ADAM12: variants seen among roughly 807,000 people sequenced by gnomAD.
ADAM12 encodes the protein ADAM metallopeptidase domain 12, also known as disintegrin and metalloproteinase domain-containing protein 12.
Under a neutral mutation model 106.4 loss-of-function variants are expected in ADAM12, and 70 were observed. The observed-to-expected ratio is 0.66, with a 90% CI of 0.54 to 0.80. ADAM12 has a LOEUF of 0.80. ADAM12 is among the 30% of genes least tolerant of loss of function. The pLI, the probability that ADAM12 is intolerant of heterozygous loss-of-function variation, is 0.00. For synonymous variants in ADAM12, 420 were observed against 433.5 expected (o/e 0.97, Z 0.39); for missense variants, 1,010 against 1,171.9 (o/e 0.86, Z 2.02).
At chr10:126,179,439 A>G (rs1028453320) in intron 3 of ADAM12, among the ~76,000 whole-genome samples, 1 of 152,260 alleles carries the variant, frequency 6.6e-6, no homozygotes, top group African/African-American at 2.4e-5. Context: ...TCTTCCACCA[A>G]GAGTGGTAAT....
At chr10:126,174,173 G>A (rs576976099) in intron 3 of ADAM12, among the ~76,000 whole-genome samples, 4 of 151,146 alleles carry the variant, frequency 2.6e-5, no homozygotes, top group Non-Finnish European at 5.9e-5. Context: ...TGCTTTATAC[G>A]TTGTTCCCCT....
At chr10:126,181,055 G>C (rs1957303281) in intron 3 of ADAM12, among the ~76,000 whole-genome samples, 3 of 151,104 alleles carry the variant, frequency 2.0e-5, no homozygotes, top group Non-Finnish European at 4.4e-5. Flanking sequence ...TATAAAAGCA[G>C]CTTGTGCTAC....
intron 1 of ADAM12, among the ~76,000 whole-genome samples, chr10:126,353,701 C>T (rs574365933): frequency 6.6e-6 from 1 of 152,228 alleles, no homozygotes; most frequent in East Asian, 1.9e-4. Context: ...TGTGAATAGA[C>T]AAAGCTAATG....
chr10:126,236,744 A>C (rs1958425330), intron 3 of ADAM12, among the ~76,000 whole-genome samples: 2 of 151,924 alleles, frequency 1.3e-5, no homozygotes, highest in Non-Finnish European at 2.9e-5. Flanking sequence ...AGGAAGGAGC[A>C]CCTACAGGAA....
In ADAM12 at chr10:126,278,926, C is replaced by T. The variant is rs1565186987; in HGVS notation, c.249G>A (p.Leu83=). 1 of 1,610,080 alleles carries T rather than the reference C, an allele frequency of 6.2e-7. No homozygotes were observed. The change falls in exon 3 of 23, where the codon CTG becomes CTA. Residue 83 remains leucine (L), a synonymous_variant. Coordinates refer to ENST00000448723, the MANE Select transcript of ADAM12 (RefSeq NM_001288973.2). ...AAGAATTAACTTACTCATTTCTTTC[C>T]AGATTTATGATCAGTTCTTTGCTTT... The part of the protein sequence containing the change: ...QRESKELIIN[L]ERNEGLIASS...
At chr10:126,046,752 G>A (rs7905704) in intron 16 of ADAM12, among the ~76,000 whole-genome samples, 8,098 of 139,424 alleles carry the variant, frequency 0.058, 755 homozygotes, top group African/African-American at 0.2. Flanking sequence ...GCAGTGAGCC[G>A]AGATCATGCT....
intron 1 of ADAM12, among the ~76,000 whole-genome samples, chr10:126,372,853 G>C (rs1009899523): frequency 6.6e-6 from 1 of 152,180 alleles, no homozygotes; most frequent in Non-Finnish European, 1.5e-5. Context: ...TTTTAAAGGA[G>C]AGCAGAGACA....
chr10:126,325,734 G>A (rs925925965), intron 2 of ADAM12, among the ~76,000 whole-genome samples: 12 of 152,084 alleles, frequency 7.9e-5, no homozygotes, highest in East Asian at 3.9e-4. Flanking sequence ...CTGGTTCCGC[G>A]GTTAATTTTT....
At chr10:126,265,065 G>A (rs2133719279) in intron 3 of ADAM12, among the ~76,000 whole-genome samples, 1 of 152,264 alleles carries the variant, frequency 6.6e-6, no homozygotes, top group Admixed American at 6.5e-5. Flanking sequence ...TGTTTACAGA[G>A]TATAAGAAGC....
chr10:126,042,111 G>T lies in ADAM12; in HGVS notation c.2104+929C>A, dbSNP rs377083568. 254 of 1,612,120 alleles carry T rather than the reference G, an allele frequency of 1.6e-4. 1 individual carries two copies. In the African/African-American group the frequency reaches 2.6e-3, roughly 17 times the overall value. Reference sequence around the variant, plus strand: ...CTCCTCTGCAGCAGCACTGGTCACGGTCTCCATGTCATGGGAGGGCTCAGA... The same window carrying T: ...CTCCTCTGCAGCAGCACTGGTCACGTTCTCCATGTCATGGGAGGGCTCAGA... On this transcript the variant is annotated intron_variant, in intron 18 of 22. Transcript: ENST00000448723.
At chr10:126,228,483 A>T (rs553495106) in intron 3 of ADAM12, among the ~76,000 whole-genome samples, 1 of 152,330 alleles carries the variant, frequency 6.6e-6, no homozygotes, top group East Asian at 1.9e-4. Context: ...AACCCTAAGA[A>T]GGTTTAGTTG....
chr10:126,057,952 T>C (rs1468547777), intron 14 of ADAM12, among the ~76,000 whole-genome samples: 4 of 152,174 alleles, frequency 2.6e-5, no homozygotes, highest in South Asian at 2.1e-4. Flanking sequence ...GGTATGCACA[T>C]AAGATTGAAT....
intron 5 of ADAM12, among the ~76,000 whole-genome samples, chr10:126,121,028 AT>A (rs1956081305): frequency 1.1e-5 from 1 of 88,440 alleles, no homozygotes; most frequent in Non-Finnish European, 1.9e-5. Flanking sequence ...TATATTATAT[AT>A]TATATATGCA....
At chr10:126,301,112 G>A (rs1346071647) in intron 2 of ADAM12, among the ~76,000 whole-genome samples, 2 of 152,176 alleles carry the variant, frequency 1.3e-5, no homozygotes, top group Admixed American at 6.5e-5. Flanking sequence ...GTCCAGGGGT[G>A]CCGCTAAACA....
chr10:126,360,743 G>C (rs1855714337), intron 1 of ADAM12, among the ~76,000 whole-genome samples: 1 of 152,138 alleles, frequency 6.6e-6, no homozygotes, highest in African/African-American at 2.4e-5. Flanking sequence ...ACCTTTGCCT[G>C]TTGCCCAGTT....
At chr10:126,179,401 T>C (rs1204464565) in intron 3 of ADAM12, among the ~76,000 whole-genome samples, 1 of 152,216 alleles carries the variant, frequency 6.6e-6, no homozygotes, top group African/African-American at 2.4e-5. Flanking sequence ...AATGAGCTGG[T>C]CTGATTGGTC....
rs778187164 is a variant in ADAM12, at chr10:126,065,009, G to T, written c.1414-8C>A. The T allele has an allele frequency of 8.1e-6, 13 of 1,605,548 alleles. No homozygotes were observed. In the East Asian group the frequency reaches 2.9e-4, roughly 36 times the overall value. ...TGTTCCTGCAGGCTTCAGCTGGAAGGAGAGGGCCATTTATGACACATGCAC... is the reference window on the plus strand; with the variant it reads ...TGTTCCTGCAGGCTTCAGCTGGAAGTAGAGGGCCATTTATGACACATGCAC... On this transcript the variant is annotated splice_region_variant and splice_polypyrimidine_tract_variant and intron_variant, in intron 13 of 22. Transcript: ENST00000448723.
intron 5 of ADAM12, among the ~76,000 whole-genome samples, chr10:126,123,345 T>C (rs1264348587): frequency 2.0e-5 from 3 of 152,234 alleles, no homozygotes; most frequent in Non-Finnish European, 4.4e-5. Flanking sequence ...TCTCAGAGCA[T>C]GGAATTTAAA....
chr10:126,217,836 G>A (rs1323436617), intron 3 of ADAM12, among the ~76,000 whole-genome samples: 2 of 151,692 alleles, frequency 1.3e-5, no homozygotes, highest in African/African-American at 2.4e-5. Flanking sequence ...TTAGCTGAGC[G>A]TGGTGGCACA....
Sources: gnomAD v4.1 joint callset for allele counts (sites outside exome capture counted in the v4.1 genomes callset) on GRCh38, gnomAD v4.1.1 for gene constraint, MANE v1.5 for transcripts, NCBI Gene and HGNC (gene_info 2026-07-23, HGNC 2026-07-21) for gene names.